HNMT: variants seen among roughly 807,000 people sequenced by gnomAD.
HNMT encodes histamine N-methyltransferase.
Under a neutral mutation model 32.1 loss-of-function variants are expected in HNMT, and 30 were observed. The ratio of observed to expected loss-of-function variants is 0.93; its 90% CI spans 0.70 to 1.27. The LOEUF (loss-of-function observed/expected upper bound fraction) is 1.27, where lower values mean the gene tolerates loss of function less well. Among genes scored for constraint, HNMT ranks in the 50% most tolerant of loss-of-function variants. The pLI is 0.00. For missense variants in HNMT, 327 were observed against 346.0 expected (o/e 0.95, Z 0.43); for synonymous variants, 125 against 119.0 (o/e 1.05, Z -0.33).
chr2:138,014,957 A>G lies in HNMT; in HGVS notation c.*827A>G, dbSNP rs1229816716. The G allele has an allele frequency of 6.6e-6, 1 of 152,078 alleles. No homozygotes were observed. Among genetic ancestry groups the G allele is most frequent in the African/African-American group, 2.4e-5 (1 of 41,432 alleles). 9.4% of individuals were successfully genotyped at this position (152,078 alleles called of 1,614,324 possible). Reference sequence around the variant, plus strand: ...TGTTTCCCCTCAAAATAATAGCCAGATGTATAAACAAAATTTATTGAAGAA... The same window carrying G: ...TGTTTCCCCTCAAAATAATAGCCAGGTGTATAAACAAAATTTATTGAAGAA... On this transcript the variant is annotated 3_prime_UTR_variant, in exon 6 of 6. Coordinates refer to ENST00000280097, the MANE Select transcript of HNMT (RefSeq NM_006895.3).
chr2:137,980,849 G>C (rs1299585562), intron 2 of HNMT, among the ~76,000 whole-genome samples: 1 of 152,114 alleles, frequency 6.6e-6, no homozygotes, highest in Non-Finnish European at 1.5e-5. Flanking sequence ...GTGTTGGAGG[G>C]AGATAGAGAG....
At chr2:138,010,421 G>A (rs941424151) in intron 5 of HNMT, among the ~76,000 whole-genome samples, 2 of 133,578 alleles carry the variant, frequency 1.5e-5, no homozygotes, top group Non-Finnish European at 3.2e-5. Flanking sequence ...GGAATAAAAG[G>A]CTCAATAAAA....
chr2:137,995,551 G>C (rs749072665), intron 2 of HNMT, among the ~76,000 whole-genome samples: 1 of 152,120 alleles, frequency 6.6e-6, no homozygotes, highest in East Asian at 1.9e-4. Flanking sequence ...GAAAGCCCAG[G>C]ACCAGATGGA....
intron 2 of HNMT, among the ~76,000 whole-genome samples, chr2:137,975,474 C>G (rs2104933729): frequency 6.6e-6 from 1 of 152,292 alleles, no homozygotes; most frequent in Admixed American, 6.5e-5. Flanking sequence ...TGACCCAGTT[C>G]TCAAGTGTAA....
intron 2 of HNMT, among the ~76,000 whole-genome samples, chr2:137,971,049 C>T (rs1680121417): frequency 6.6e-6 from 1 of 152,012 alleles, no homozygotes; most frequent in South Asian, 2.1e-4. Flanking sequence ...GAAAAATGTG[C>T]TCAGTGACAG....
chr2:137,975,408 G>A (rs1430888086), intron 2 of HNMT, among the ~76,000 whole-genome samples: 2 of 152,090 alleles, frequency 1.3e-5, no homozygotes, highest in African/African-American at 2.4e-5. Flanking sequence ...GAGAAATAGT[G>A]GCCTTCTGTC....
chr2:137,970,348 A>G (rs1164964005), intron 2 of HNMT, 131 bp downstream of exon 2: 19 of 512,676 alleles, frequency 3.7e-5, no homozygotes, highest in Non-Finnish European at 6.6e-5. Context: ...AAAACTAGCA[A>G]TATTACTTCA....
intron 4 of HNMT, among the ~76,000 whole-genome samples, chr2:138,003,181 A>G (rs1681233753): frequency 1.3e-5 from 2 of 151,224 alleles, no homozygotes; most frequent in Admixed American, 1.3e-4. Flanking sequence ...ACATGTATAC[A>G]TATGTAACTA....
chr2:137,965,832 T>C (rs557076667), intron 1 of HNMT, among the ~76,000 whole-genome samples: 3 of 152,360 alleles, frequency 2.0e-5, no homozygotes, highest in Non-Finnish European at 2.9e-5. Context: ...TCTTCAGCCA[T>C]ACACAGTTTG....
rs747959514 is a variant in HNMT at position 137,996,642 on chromosome 2, G to A, written c.191-4276G>A. Among the ~76,000 whole-genome samples the A allele has an allele frequency of 3.9e-5, 6 of 152,068 alleles. No homozygotes were observed. The South Asian group carries it at 6.2e-4, about 16-fold the overall frequency. On this transcript the variant is annotated intron_variant, in intron 2 of 5. Transcript: ENST00000280097. The stretch of plus-strand genomic sequence containing the variant: ...ATGCTATTCCCATCAAACTACCATC[G>A]ACATTCTTCACAGAATTAGAAAAAG...
chr2:137,992,198 C>G (rs964224982), intron 2 of HNMT, among the ~76,000 whole-genome samples: 6 of 152,236 alleles, frequency 3.9e-5, no homozygotes, highest in Admixed American at 3.3e-4. Flanking sequence ...GCCTACGGAA[C>G]TCCTGGAGGG....
chr2:138,000,974 A>G lies in HNMT; in HGVS notation c.247A>G (p.Ile83Val). The G allele has an allele frequency of 6.2e-7, 1 of 1,609,822 alleles. No individual in the cohort carries two copies. The change falls in exon 3 of 6, where the codon ATC becomes GTC. Residue 83 changes from isoleucine to valine, a missense_variant. Physicochemically the swap from Ile to Val is conservative, Grantham distance 29. Coordinates refer to ENST00000280097, the MANE Select transcript of HNMT (RefSeq NM_006895.3). ...TCAGGCTCAATACCCAGGAGTTTGT[A>G]TCAACAATGAAGTTGTTGAGCCAAG... ...KVQAQYPGVCINNEVVEPSAE... is the reference protein window; with the variant it reads ...KVQAQYPGVCVNNEVVEPSAE...
chr2:138,012,790 T>TGA (rs1390584319), intron 5 of HNMT, among the ~76,000 whole-genome samples: 65 of 152,208 alleles, frequency 4.3e-4, no homozygotes, highest in African/African-American at 1.5e-3. Context: ...TTTTTACCCA[T>TGA]ATCCTACATC....
chr2:137,971,335 G>A (rs1033395664), intron 2 of HNMT, among the ~76,000 whole-genome samples: 3 of 151,816 alleles, frequency 2.0e-5, no homozygotes, highest in South Asian at 2.1e-4. Flanking sequence ...ACCAACCACC[G>A]CACCTGGCTA....
At position 138,014,480 on chromosome 2, in the gene HNMT, CT is replaced by C. The variant is rs746922353; in HGVS notation, c.*353del. ...ACTAATAAAATACATACTATAGATT[CT>C]TTATTAGTGAAGTATGCACTAATCA... is the stretch of plus-strand genomic sequence containing the variant. On this transcript the variant is annotated 3_prime_UTR_variant, in exon 6 of 6. Coordinates refer to ENST00000280097, the MANE Select transcript of HNMT (RefSeq NM_006895.3). 1 of 187,366 alleles carries C rather than the reference CT, an allele frequency of 5.3e-6. No individual in the cohort carries two copies. The allele number at this position is 187,366 out of a possible 1,614,324, so 11.6% of individuals were successfully genotyped here.
At chr2:137,968,247 T>A (rs1014519061) in intron 1 of HNMT, among the ~76,000 whole-genome samples, 1 of 152,210 alleles carries the variant, frequency 6.6e-6, no homozygotes, top group Admixed American at 6.5e-5. Context: ...AACATTTAAA[T>A]CCTTGGCTAG....
chr2:138,002,837 GTGGACCAA>G (rs1681216006), intron 4 of HNMT: 1 of 904,440 alleles, frequency 1.1e-6, no homozygotes, highest in South Asian at 5.1e-5. Flanking sequence ...AATGGTTTGG[GTGGACCAA>G]TGTCCCAGAG....
chr2:138,005,433 T>C (rs1230353007), intron 5 of HNMT, among the ~76,000 whole-genome samples: 2 of 152,096 alleles, frequency 1.3e-5, no homozygotes, highest in African/African-American at 4.8e-5. Context: ...TAAACATCTG[T>C]CTACTTCTTT....
chr2:137,992,669 G>A (rs1188870767), intron 2 of HNMT, among the ~76,000 whole-genome samples: 1 of 152,156 alleles, frequency 6.6e-6, no homozygotes, highest in Non-Finnish European at 1.5e-5. Context: ...CCAGACAAGT[G>A]GGTTCCCCGC....
Sources: gnomAD v4.1 joint callset for allele counts (sites outside exome capture counted in the v4.1 genomes callset) on GRCh38, gnomAD v4.1.1 for gene constraint, MANE v1.5 for transcripts, NCBI Gene and HGNC (gene_info 2026-07-23, HGNC 2026-07-21) for gene names.